Variants in IP6K2 observed in about 807,000 individuals in gnomAD.
IP6K2 encodes inositol hexakisphosphate kinase 2.
IP6K2 carries 9 observed loss-of-function variants against 43.3 expected under a neutral mutation model. That is an observed-to-expected ratio of 0.21 (90% CI 0.13 to 0.36). The LOEUF (loss-of-function observed/expected upper bound fraction) is 0.36, where lower values mean the gene tolerates loss of function less well. Among genes scored for constraint, IP6K2 ranks in the 10% least tolerant of loss-of-function variants. The pLI, the probability that IP6K2 is intolerant of heterozygous loss-of-function variation, is 1.00. For missense variants in IP6K2, 332 were observed against 538.4 expected, an observed-to-expected ratio of 0.62 and a Z score of 3.79; for synonymous variants, 209 against 202.4, an observed-to-expected ratio of 1.03 and a Z score of -0.28.
intron 1 of IP6K2, among the ~76,000 whole-genome samples, chr3:48,711,157 T>C (rs1159790150): frequency 6.6e-6 from 1 of 152,182 alleles, no homozygotes; most frequent in Admixed American, 6.5e-5. Context: ...ATGATCCGCC[T>C]ACCTCAGCCT....
At position 48,706,161 on chromosome 3, in the gene IP6K2, T is replaced by C. The variant is rs563550884; in HGVS notation, c.-130-10740A>G. On this transcript the variant is annotated intron_variant, in intron 1 of 5. Coordinates refer to ENST00000328631, the MANE Select transcript of IP6K2 (RefSeq NM_016291.4). ...GGCGGAGGTTGCAGTGAGCCGAGAC[T>C]ACGCCATTGCACTCCAGCCTGAGCT... Among the ~76,000 whole-genome samples, 3 of 151,382 alleles carry C rather than the reference T, an allele frequency of 2.0e-5. No individual in the cohort carries two copies. The East Asian group carries it at 5.9e-4, about 30-fold the overall frequency.
intron 1 of IP6K2, among the ~76,000 whole-genome samples, chr3:48,714,366 C>A (rs1297156963): frequency 6.6e-6 from 1 of 151,770 alleles, no homozygotes; most frequent in Non-Finnish European, 1.5e-5. Context: ...CACGCTCGGC[C>A]CTTTCTTTTT....
At chr3:48,689,741 A>C (rs748525523) in intron 4 of IP6K2, 28 bp from the exon 5 acceptor site, 5 of 1,595,518 alleles carry the variant, frequency 3.1e-6, no homozygotes, top group Middle Eastern at 1.7e-4. Context: ...ATACCCCCAA[A>C]AGGAAGTGCT....
intron 1 of IP6K2, among the ~76,000 whole-genome samples, chr3:48,710,273 C>T (rs1239230292): frequency 6.6e-6 from 1 of 151,986 alleles, no homozygotes; most frequent in Non-Finnish European, 1.5e-5. Context: ...GCCTGTAGTC[C>T]TAGCTACTCA....
intron 1 of IP6K2, among the ~76,000 whole-genome samples, chr3:48,708,635 C>G (rs1457979411): frequency 7.7e-6 from 1 of 130,212 alleles, no homozygotes; most frequent in Admixed American, 7.3e-5. Flanking sequence ...AGTCTCCAGT[C>G]TCCCACCACA....
chr3:48,704,572 G>T (rs1035978823), intron 1 of IP6K2, among the ~76,000 whole-genome samples: 4 of 151,628 alleles, frequency 2.6e-5, no homozygotes. Flanking sequence ...AGGCTCAAGT[G>T]ATCCTCCCAC....
Position 48,691,332 on chromosome 3 carries a change from C to T in IP6K2, c.579G>A (p.Glu193=). 1.2e-6 allele frequency: 2 copies of T among 1,613,892 alleles called. No homozygotes were observed. Among genetic ancestry groups the T allele is most frequent in the African/African-American group, 1.3e-5 (1 of 75,048 alleles). ...CHQQQLQRMK[E]NAKHRNQYKF... is the part of the protein sequence containing the mutation. ...TGTACTGGTTCCGATGCTTTGCATT[C>T]TCCTTCATTCTCTGTAACTGTTGCT... The change falls in exon 4 of 6, where the codon GAG becomes GAA. Residue 193 remains glutamate, a synonymous_variant. Transcript: ENST00000328631.
chr3:48,696,854 C>T (rs750383729), intron 1 of IP6K2, among the ~76,000 whole-genome samples: 1 of 152,034 alleles, frequency 6.6e-6, no homozygotes, highest in African/African-American at 2.4e-5. Flanking sequence ...GGTCCTGACA[C>T]TTTCTTTGAG....
At chr3:48,712,541 C>T (rs532485528) in intron 1 of IP6K2, among the ~76,000 whole-genome samples, 103 of 151,988 alleles carry the variant, frequency 6.8e-4, no homozygotes, top group African/African-American at 2.3e-3. Context: ...CCACCATGCC[C>T]GGCCTACAAT....
At chr3:48,710,627 T>C (rs2107045862) in intron 1 of IP6K2, among the ~76,000 whole-genome samples, 1 of 152,262 alleles carries the variant, frequency 6.6e-6, no homozygotes, top group African/African-American at 2.4e-5. Flanking sequence ...GTTTTTTTTT[T>C]GAGACGGAGT....
rs529879987 is a variant in IP6K2 at position 48,706,138 on chromosome 3, C to T, written c.-130-10717G>A. On this transcript the variant is annotated intron_variant, in intron 1 of 5. Coordinates refer to ENST00000328631, the MANE Select transcript of IP6K2 (RefSeq NM_016291.4). The stretch of plus-strand genomic sequence containing the variant: ...AGGAGAATCACTTGAACCCGGGAGG[C>T]GGAGGTTGCAGTGAGCCGAGACTAC... Among the ~76,000 whole-genome samples the T allele has an allele frequency of 6.6e-5, 10 of 151,944 alleles. No individual in the cohort carries two copies. The South Asian group carries it at 1.7e-3, about 25-fold the overall frequency.
At chr3:48,701,824 G>A (rs1462750276) in intron 1 of IP6K2, among the ~76,000 whole-genome samples, 1 of 152,126 alleles carries the variant, frequency 6.6e-6, no homozygotes, top group African/African-American at 2.4e-5. Flanking sequence ...CTTGAGCACG[G>A]GAGGCGGAGG....
At chr3:48,706,706 G>A (rs2079829769) in intron 1 of IP6K2, among the ~76,000 whole-genome samples, 1 of 151,972 alleles carries the variant, frequency 6.6e-6, no homozygotes, top group South Asian at 2.1e-4. Flanking sequence ...TGGGCGTAGT[G>A]GCACGGGCCC....
chr3:48,695,257 G>A lies in IP6K2; in HGVS notation c.35C>T (p.Pro12Leu). ...SPAFRAMDVEPRAKGVLLEPF... is the reference protein window; with the variant it reads ...SPAFRAMDVELRAKGVLLEPF... Reference sequence around the variant, plus strand: ...CTCCAGAAGGACGCCTTTGGCGCGGGGCTCCACATCCATGGCCCTGAAGGC... The same window carrying A: ...CTCCAGAAGGACGCCTTTGGCGCGGAGCTCCACATCCATGGCCCTGAAGGC... The change falls in exon 2 of 6, where the codon CCC becomes CTC. Residue 12 changes from proline to leucine, a missense_variant. Physicochemically the swap from Pro to Leu is moderately conservative, Grantham distance 98. Coordinates refer to ENST00000328631, the MANE Select transcript of IP6K2 (RefSeq NM_016291.4). The surrounding 1 kb of genome is among the most constrained non-coding windows in gnomAD (Gnocchi z 4.6). The A allele has an allele frequency of 6.3e-7, 1 of 1,586,840 alleles. No individual in the cohort carries two copies. The highest frequency in any genetic ancestry group is 8.6e-7 in the Non-Finnish European group (1 of 1,161,926).
intron 1 of IP6K2, among the ~76,000 whole-genome samples, chr3:48,701,578 A>T: frequency 6.6e-6 from 1 of 150,400 alleles, no homozygotes; most frequent in South Asian, 2.1e-4. Context: ...AAAAAAAAAA[A>T]AAAAAAAAAA....
At chr3:48,697,020 AC>A (rs937302934) in intron 1 of IP6K2, among the ~76,000 whole-genome samples, 5 of 148,006 alleles carry the variant, frequency 3.4e-5, no homozygotes, top group Non-Finnish European at 6.0e-5. Flanking sequence ...CTGAATTTTT[AC>A]TTTTTTTTTT....
chr3:48,690,863 T>C (rs1386175698), intron 4 of IP6K2, among the ~76,000 whole-genome samples: 1 of 151,890 alleles, frequency 6.6e-6, no homozygotes, highest in Non-Finnish European at 1.5e-5. Context: ...TATTTCCTTA[T>C]GCACAGCTCA....
Position 48,688,781 on chromosome 3 carries a change from A to G in IP6K2, c.781-8T>C, listed in dbSNP as rs536040651. ...ACTGCCTGCTTGGTACACCTGTAGG[A>G]GAGAGACCAGCAAGTCAGGGGCTGA... On this transcript the variant is annotated splice_polypyrimidine_tract_variant and splice_region_variant and intron_variant, in intron 5 of 5. Transcript: ENST00000328631. This position sits in a 1 kb window ranked among gnomAD's most constrained non-coding sequence, Gnocchi z 5.1. 6.3e-7 allele frequency: 1 copy of G among 1,593,360 alleles called. No homozygotes were observed. Among genetic ancestry groups the G allele is most frequent in the African/African-American group, 1.3e-5 (1 of 74,676 alleles).
At chr3:48,715,084 T>C in intron 1 of IP6K2, among the ~76,000 whole-genome samples, 1 of 152,104 alleles carries the variant, frequency 6.6e-6, no homozygotes, top group East Asian at 1.9e-4. Flanking sequence ...CAACTACTTC[T>C]TATTACTTTT....
Sources: allele counts gnomAD v4.1 joint callset (sites outside exome capture counted in the v4.1 genomes callset), GRCh38; gene constraint gnomAD v4.1.1; non-coding constraint Gnocchi (gnomAD v3.1); transcripts MANE v1.5; gene names NCBI Gene and HGNC (gene_info 2026-07-23, HGNC 2026-07-21).